PLCG2: variants seen among roughly 807,000 people sequenced by gnomAD.
The protein encoded by PLCG2 is phospholipase C gamma 2, also known as 1-phosphatidylinositol 4,5-bisphosphate phosphodiesterase gamma-2.
A neutral mutation model predicts 175.6 loss-of-function variants in PLCG2; 69 were observed. The observed-to-expected ratio is 0.39, with a 90% confidence interval of 0.32 to 0.48. The LOEUF is 0.48. Among genes scored for constraint, PLCG2 ranks in the 20% least tolerant of loss-of-function variants. The pLI is 0.91. For synonymous variants in PLCG2, 827 were observed against 624.0 expected (o/e 1.33, Z -4.85); for missense variants, 1,798 against 1,650.9 (o/e 1.09, Z -1.54).
chr16:81,918,737 C>G (rs568566532), intron 19 of PLCG2, among the ~76,000 whole-genome samples: 3 of 152,120 alleles, frequency 2.0e-5, no homozygotes, highest in Admixed American at 6.6e-5. Context: ...TTGGGGTAGA[C>G]ATTTTTAAAA....
At chr16:81,811,904 C>T (rs980103597) in intron 2 of PLCG2, among the ~76,000 whole-genome samples, 1 of 152,124 alleles carries the variant, frequency 6.6e-6, no homozygotes, top group Admixed American at 6.6e-5. Context: ...ATTGCTGGAT[C>T]AAATGGTATT....
At position 81,912,680 on chromosome 16, in the gene PLCG2, A is replaced by C. The variant is rs761458296; in HGVS notation, c.2018A>C (p.Lys673Thr). 6.2e-7 allele frequency: 1 copy of C among 1,612,568 alleles called. No individual in the cohort carries two copies. The highest frequency in any genetic ancestry group is 8.5e-7 in the Non-Finnish European group (1 of 1,179,324). Residue 673 changes from lysine (K) to threonine (T), a missense_variant, in exon 19 of 33, where the codon AAG becomes ACG. Physicochemically the swap from Lys to Thr is moderately conservative, Grantham distance 78. Coordinates refer to ENST00000564138, the MANE Select transcript of PLCG2 (RefSeq NM_002661.5). ...IPRDGAFLIRKREGSDSYAIT... is the reference protein window; with the variant it reads ...IPRDGAFLIRTREGSDSYAIT... Reference sequence around the variant, plus strand: ...CGGGACGGGGCCTTCCTGATCCGGAAGCGAGAGGGGAGCGACTCCTATGCC... The same window carrying C: ...CGGGACGGGGCCTTCCTGATCCGGACGCGAGAGGGGAGCGACTCCTATGCC...
chr16:81,758,249 A>G (rs752337144), intron 2 of PLCG2, among the ~76,000 whole-genome samples: 6 of 152,170 alleles, frequency 3.9e-5, no homozygotes, highest in Non-Finnish European at 8.8e-5. Context: ...AAGTGCTGGG[A>G]TTAGAGGTGT....
chr16:81,825,120 C>T lies in PLCG2; in HGVS notation c.194-29324C>T, dbSNP rs185319999. On this transcript the variant is annotated intron_variant, in intron 2 of 32. Coordinates refer to ENST00000564138, the MANE Select transcript of PLCG2 (RefSeq NM_002661.5). ...TCCTTGGTCTTAGCCCAGCGAGACC[C>T]GTTTTGGAAATCAGACCTGCATAAT... Among the ~76,000 whole-genome samples the T allele has an allele frequency of 9.9e-5, 15 of 152,220 alleles. No individual in the cohort carries two copies. In the East Asian group the frequency reaches 2.5e-3, roughly 26 times the overall value.
In PLCG2 at chr16:81,786,102, C is replaced by A; in HGVS notation, c.113C>A (p.Pro38His). The A allele has an allele frequency of 6.2e-7, 1 of 1,614,198 alleles. No homozygotes were observed. The highest frequency in any genetic ancestry group is 8.5e-7 in the Non-Finnish European group (1 of 1,180,044). Reference sequence around the variant, plus strand: ...GTGTTCAGCTTCCGCAAGTCCACCCCCGAGCGGAGAACCGTCCAGGTGATC... The same window carrying A: ...GTGTTCAGCTTCCGCAAGTCCACCCACGAGCGGAGAACCGTCCAGGTGATC... ...MTVFSFRKST[P>H]ERRTVQVIME... The change falls in exon 2 of 33, where the codon CCC becomes CAC. Residue 38 changes from proline to histidine, a missense_variant. Pro to His is a moderately conservative substitution (Grantham distance 77). Coordinates refer to ENST00000564138, the MANE Select transcript of PLCG2 (RefSeq NM_002661.5).
intron 25 of PLCG2, 130 bp downstream of exon 25, chr16:81,931,784 A>G: frequency 1.4e-6 from 1 of 740,150 alleles, no homozygotes; most frequent in South Asian, 1.8e-5. Flanking sequence ...CAGGAAGGAG[A>G]CCAGGTGGAT....
chr16:81,927,943 C>T (rs1038594095), intron 23 of PLCG2, among the ~76,000 whole-genome samples: 1 of 152,124 alleles, frequency 6.6e-6, no homozygotes, highest in Non-Finnish European at 1.5e-5. Context: ...TACTGAGTTG[C>T]CCTTACCTGT....
At chr16:81,834,459 G>A (rs1905410212) in intron 2 of PLCG2, among the ~76,000 whole-genome samples, 1 of 152,172 alleles carries the variant, frequency 6.6e-6, no homozygotes, top group African/African-American at 2.4e-5. Context: ...TGCCCAACCT[G>A]CCTGAGCCTC....
chr16:81,911,893 G>T (rs1909643122), intron 18 of PLCG2, among the ~76,000 whole-genome samples: 1 of 148,960 alleles, frequency 6.7e-6, no homozygotes, highest in African/African-American at 2.5e-5. Flanking sequence ...TGCCTCCTGG[G>T]TTCAAGTGAT....
chr16:81,958,074 C>A lies in PLCG2; in HGVS notation c.*76C>A. ...CATGTAGGAGAACGTGCCCTATTCA[C>A]ACTCTGGGAAGACGCTAATCTGTGA... On this transcript the variant is annotated 3_prime_UTR_variant, in exon 33 of 33. Transcript: ENST00000564138. The A allele has an allele frequency of 9.6e-7, 1 of 1,037,436 alleles. No homozygotes were observed. The highest frequency in any genetic ancestry group is 1.5e-6 in the Non-Finnish European group (1 of 658,352). The allele number at this position is 1,037,436 out of a possible 1,614,324, so 64.3% of individuals were successfully genotyped here. A position where few individuals can be genotyped will look rare whatever the true frequency, so the allele number is the denominator to read the frequency against.
At chr16:81,763,424 G>C (rs1309460306) in intron 2 of PLCG2, among the ~76,000 whole-genome samples, 1 of 152,228 alleles carries the variant, frequency 6.6e-6, no homozygotes, top group African/African-American at 2.4e-5. Flanking sequence ...CCAGCTGCAG[G>C]TGGATGCCAA....
chr16:81,891,655 T>A lies in PLCG2; in HGVS notation c.986+65T>A, dbSNP rs906252180. 4 of 900,992 alleles carry A rather than the reference T, an allele frequency of 4.4e-6. No homozygotes were observed. The African/African-American group carries it at 6.5e-5, about 15-fold the overall frequency. 55.8% of individuals were successfully genotyped at this position (900,992 alleles called of 1,614,324 possible). ...GAGCACGTGAGGGTTGAGGCAGGGGTCCGATACGCCGCTCCGGTGAGCCCT... is the reference window on the plus strand; with the variant it reads ...GAGCACGTGAGGGTTGAGGCAGGGGACCGATACGCCGCTCCGGTGAGCCCT... On this transcript the variant is annotated intron_variant, in intron 11 of 32. Transcript: ENST00000564138.
chr16:81,748,579 C>G (rs1304192492), intron 1 of PLCG2, among the ~76,000 whole-genome samples: 3 of 152,028 alleles, frequency 2.0e-5, no homozygotes, highest in African/African-American at 7.2e-5. Context: ...CAGGGGACTT[C>G]TTGCACTTAC....
chr16:81,802,401 C>A (rs188147216), intron 2 of PLCG2, among the ~76,000 whole-genome samples: 1 of 151,896 alleles, frequency 6.6e-6, no homozygotes, highest in African/African-American at 2.4e-5. Flanking sequence ...CGTGAGCCAC[C>A]GCGCCCGGCC....
chr16:81,756,119 G>T (rs1909921632), intron 2 of PLCG2, among the ~76,000 whole-genome samples: 1 of 152,234 alleles, frequency 6.6e-6, no homozygotes. Flanking sequence ...AGATAGGATG[G>T]CCATAAAGCA....
intron 2 of PLCG2, among the ~76,000 whole-genome samples, chr16:81,826,339 A>G (rs931798456): frequency 6.6e-6 from 1 of 152,098 alleles, no homozygotes; most frequent in African/African-American, 2.4e-5. Flanking sequence ...ATCAAGTATG[A>G]TCTGTGTCCT....
Position 81,931,695 on chromosome 16 carries a change from C to CT in PLCG2, c.2739+42dup, listed in dbSNP as rs1294597748. On this transcript the variant is annotated intron_variant, in intron 25 of 32. Transcript: ENST00000564138. ...CCCGGGTGCAGGTGGGCCTGGCATT[C>CT]TGAGGGCTTTGGTGCTCAGTTGGGA... is the stretch of plus-strand genomic sequence containing the variant. The CT allele has an allele frequency of 3.8e-6, 6 of 1,593,794 alleles. No individual in the cohort carries two copies. In the Admixed American group the frequency reaches 6.7e-5, roughly 18 times the overall value.
At position 81,865,366 on chromosome 16, in the gene PLCG2, C is replaced by T. The variant is rs1907177719; in HGVS notation, c.480-3848C>T. Among the ~76,000 whole-genome samples the T allele has an allele frequency of 5.3e-5, 8 of 152,134 alleles. No homozygotes were observed. In the South Asian group the frequency reaches 1.7e-3, roughly 32 times the overall value. ...CTGTGCAGCACGACACACACACATC[C>T]AGAGGTGGGAGTGAGGGAGGGGCTC... On this transcript the variant is annotated intron_variant, in intron 5 of 32. Transcript: ENST00000564138.
intron 2 of PLCG2, among the ~76,000 whole-genome samples, chr16:81,832,053 C>T (rs938223577): frequency 2.6e-5 from 4 of 152,108 alleles, no homozygotes; most frequent in African/African-American, 7.2e-5. Context: ...ACACAGTTAC[C>T]AGCAGTGGGC....
Sources: allele counts gnomAD v4.1 joint callset (sites outside exome capture counted in the v4.1 genomes callset), GRCh38; gene constraint gnomAD v4.1.1; transcripts MANE v1.5; gene names NCBI Gene and HGNC (gene_info 2026-07-23, HGNC 2026-07-21).